BEND7: variants seen among roughly 807,000 people sequenced by gnomAD.
BEND7 encodes BEN domain-containing protein 7.
Under a neutral mutation model 50.9 loss-of-function variants are expected in BEND7, and 28 were observed. The observed-to-expected ratio is 0.55, with a 90% CI of 0.41 to 0.75. The LOEUF is 0.75. Ranked by LOEUF, BEND7 falls within the 30% of genes least tolerant of loss-of-function variation. The probability of loss-of-function intolerance (pLI) is 0.00; values close to 1 mark genes in which losing one functional copy is unlikely to be tolerated. For synonymous variants in BEND7, 170 were observed against 183.9 expected, an observed-to-expected ratio of 0.92 and a Z score of 0.61; for missense variants, 477 against 491.3, an observed-to-expected ratio of 0.97 and a Z score of 0.28.
intron 2 of BEND7, among the ~76,000 whole-genome samples, chr10:13,516,422 C>T (rs935330421): frequency 6.6e-6 from 1 of 152,200 alleles, no homozygotes; most frequent in African/African-American, 2.4e-5. Flanking sequence ...AGGGAGACTG[C>T]TACCTATTAA....
At chr10:13,461,498 C>T (rs560229775) in intron 6 of BEND7, among the ~76,000 whole-genome samples, 1 of 152,290 alleles carries the variant, frequency 6.6e-6, no homozygotes, top group East Asian at 1.9e-4. Flanking sequence ...TTTGGGAGGC[C>T]GCGGCGGGCA....
At chr10:13,502,040 A>C (rs2077509675) in intron 2 of BEND7, among the ~76,000 whole-genome samples, 1 of 147,660 alleles carries the variant, frequency 6.8e-6, no homozygotes, top group Non-Finnish European at 1.5e-5. Flanking sequence ...TATAATGATC[A>C]ATATATGTAT....
chr10:13,483,585 C>T (rs1274906308), intron 5 of BEND7, among the ~76,000 whole-genome samples: 2 of 152,228 alleles, frequency 1.3e-5, no homozygotes, highest in African/African-American at 4.8e-5. Context: ...GTGCTCAGCA[C>T]ACCTGTGTCT....
At chr10:13,443,676 C>G (rs905569593) in intron 8 of BEND7, 1 of 152,168 alleles carries the variant, frequency 6.6e-6, no homozygotes, top group Admixed American at 6.5e-5. Flanking sequence ...ATTGTCCAGT[C>G]ATGGAAAATG....
chr10:13,453,094 T>C (rs1838143457), intron 6 of BEND7, among the ~76,000 whole-genome samples: 1 of 152,240 alleles, frequency 6.6e-6, no homozygotes, highest in South Asian at 2.1e-4. Context: ...TGATTTCTAC[T>C]AACTCAATCA....
At chr10:13,518,676 A>G (rs2078869541) in intron 2 of BEND7, among the ~76,000 whole-genome samples, 1 of 152,222 alleles carries the variant, frequency 6.6e-6, no homozygotes, top group African/African-American at 2.4e-5. Context: ...TGAAAAAAGA[A>G]GTTGTATCTC....
intron 6 of BEND7, among the ~76,000 whole-genome samples, chr10:13,463,218 A>C (rs2073891575): frequency 6.6e-6 from 1 of 152,222 alleles, no homozygotes; most frequent in African/African-American, 2.4e-5. Context: ...CAAGCTTAGC[A>C]TTCCAATAAT....
intron 5 of BEND7, among the ~76,000 whole-genome samples, chr10:13,488,610 C>T (rs1269440768): frequency 6.6e-6 from 1 of 152,212 alleles, no homozygotes; most frequent in Non-Finnish European, 1.5e-5. Flanking sequence ...GCCTCAGCCT[C>T]CCAAGTAGCT....
rs866729236 is a variant in BEND7 at position 13,456,857 on chromosome 10, C to T, written c.1064-4199G>A. Reference sequence around the variant, plus strand: ...GGCTAATTGGGGGAAAATGGTCTATCTGAATTAGCAGGAAGTCTTTAATTA... The same window carrying T: ...GGCTAATTGGGGGAAAATGGTCTATTTGAATTAGCAGGAAGTCTTTAATTA... On this transcript the variant is annotated intron_variant, in intron 6 of 8. Coordinates refer to ENST00000466271, the MANE Select transcript of BEND7 (RefSeq NM_001369863.1). 2.6e-5 allele frequency among the ~76,000 whole-genome samples: 4 copies of T among 152,172 alleles called. 1 individual carries two copies. Among genetic ancestry groups the T allele is most frequent in the Middle Eastern group, 3.2e-3 (1 of 316 alleles).
intron 5 of BEND7, among the ~76,000 whole-genome samples, chr10:13,488,512 G>A (rs150943881): frequency 0.014 from 2,156 of 151,858 alleles, 49 homozygotes; most frequent in African/African-American, 0.047. Flanking sequence ...TTTTTGAGAT[G>A]GAGTCTTGCT....
At chr10:13,481,403 T>C (rs1156487857) in intron 5 of BEND7, among the ~76,000 whole-genome samples, 1 of 152,154 alleles carries the variant, frequency 6.6e-6, no homozygotes, top group Non-Finnish European at 1.5e-5. Context: ...AATCCTATCA[T>C]TCTAGAGCTA....
At chr10:13,518,828 T>G (rs1464089604) in intron 2 of BEND7, among the ~76,000 whole-genome samples, 3 of 152,114 alleles carry the variant, frequency 2.0e-5, no homozygotes, top group Non-Finnish European at 4.4e-5. Flanking sequence ...ATCTTCAGAG[T>G]CCTAACGACA....
intron 2 of BEND7, among the ~76,000 whole-genome samples, chr10:13,517,178 C>G (rs1230060714): frequency 6.6e-6 from 1 of 151,928 alleles, no homozygotes; most frequent in African/African-American, 2.4e-5. Flanking sequence ...GATCCTCCCA[C>G]CTCAGCCTCC....
chr10:13,501,665 G>A (rs1311572478), intron 2 of BEND7, among the ~76,000 whole-genome samples: 3 of 152,088 alleles, frequency 2.0e-5, no homozygotes, highest in African/African-American at 7.2e-5. Context: ...TGGGCAATAT[G>A]GAGAAACCCC....
At chr10:13,486,350 C>G (rs935889992) in intron 5 of BEND7, among the ~76,000 whole-genome samples, 1 of 152,186 alleles carries the variant, frequency 6.6e-6, no homozygotes, top group African/African-American at 2.4e-5. Flanking sequence ...AAATCCTATG[C>G]TGAGAATATA....
At chr10:13,441,941 G>A (rs753098809) in intron 8 of BEND7, 191 bp from the exon 9 acceptor site, 6 of 611,828 alleles carry the variant, frequency 9.8e-6, no homozygotes, top group African/African-American at 7.4e-5. Context: ...TACAAGCCAC[G>A]CCTAAAGCCA....
intron 6 of BEND7, chr10:13,480,522 T>G (rs1004672539): frequency 8.1e-5 from 49 of 603,834 alleles, no homozygotes; most frequent in Non-Finnish European, 9.1e-5. Flanking sequence ...TATCTTTTTT[T>G]TTTTTTTAAG....
At chr10:13,468,894 G>A (rs868202153) in intron 6 of BEND7, among the ~76,000 whole-genome samples, 3 of 152,228 alleles carry the variant, frequency 2.0e-5, no homozygotes, top group African/African-American at 4.8e-5. Flanking sequence ...CCATGCCACC[G>A]CCAAGATGAC....
At chr10:13,491,168 C>T (rs905495070) in intron 5 of BEND7, among the ~76,000 whole-genome samples, 1 of 151,788 alleles carries the variant, frequency 6.6e-6, no homozygotes, top group African/African-American at 2.4e-5. Flanking sequence ...TTTTCATTAG[C>T]CGGGGGTGGT....
Sources: gnomAD v4.1 joint callset for allele counts (sites outside exome capture counted in the v4.1 genomes callset) on GRCh38, gnomAD v4.1.1 for gene constraint, MANE v1.5 for transcripts, NCBI Gene and HGNC (gene_info 2026-07-23, HGNC 2026-07-21) for gene names.